Variants in ERN2 observed in about 807,000 individuals in gnomAD.
ERN2 encodes the protein endoplasmic reticulum to nucleus signaling 2.
Under a neutral mutation model 107.9 loss-of-function variants are expected in ERN2, and 111 were observed. The ratio of observed to expected loss-of-function variants is 1.03; its 90% CI spans 0.88 to 1.20. ERN2 has a LOEUF of 1.20. Ranked by LOEUF, ERN2 falls within the 50% of genes most tolerant of loss-of-function variation. The pLI, the probability that ERN2 is intolerant of heterozygous loss-of-function variation, is 0.00. For missense variants in ERN2, 1,225 were observed against 1,197.9 expected (o/e 1.02, Z -0.33); for synonymous variants, 524 against 501.7 (o/e 1.04, Z -0.59).
chr16:23,702,186 G>A lies in ERN2; in HGVS notation c.1169C>T (p.Pro390Leu). 6.2e-7 allele frequency: 1 copy of A among 1,614,098 alleles called. No homozygotes were observed. Among genetic ancestry groups the A allele is most frequent in the Non-Finnish European group, 8.5e-7 (1 of 1,180,016 alleles). The change falls in exon 11 of 22, where the codon CCA (proline) becomes CTA (leucine). Residue 390 changes from proline (P) to leucine (L), a missense_variant. By Grantham distance (98) the Pro-to-Leu change is moderately conservative. Transcript: ENST00000256797. ...GAAGGCTGGGGCCTGGGTATTCTCT[G>A]GAGGTCTTGTCTCTGCAGTTCCACT... ...LGSGTAETRPPENTQAPAFFL... is the reference protein window; with the variant it reads ...LGSGTAETRPLENTQAPAFFL...
chr16:23,691,118 C>G lies in ERN2; in HGVS notation c.2568+11G>C, dbSNP rs756393175. 6.2e-7 allele frequency: 1 copy of G among 1,613,944 alleles called. No individual in the cohort carries two copies. The highest frequency in any genetic ancestry group is 2.2e-5 in the East Asian group (1 of 44,884). The stretch of plus-strand genomic sequence containing the variant: ...CCCAAGACCCAGGCCCACCCAGGCC[C>G]CAACACATACCTTGTTCCTCACAGC... On this transcript the variant is annotated intron_variant, in intron 21 of 21. Coordinates refer to ENST00000256797, the MANE Select transcript of ERN2 (RefSeq NM_033266.4).
At chr16:23,694,666 A>G in intron 17 of ERN2, 62 bp downstream of exon 17, 1 of 1,403,582 alleles carries the variant, frequency 7.1e-7, no homozygotes, top group Middle Eastern at 2.5e-4. Flanking sequence ...GAACTGGGAC[A>G]GGGACGGATT....
intron 7 of ERN2, chr16:23,706,121 G>T: frequency 2.0e-6 from 1 of 507,580 alleles, no homozygotes; most frequent in East Asian, 3.5e-5. Flanking sequence ...TTAGGAGGTT[G>T]AGGGATTGGC....
chr16:23,705,291 T>C (rs1490541312), intron 7 of ERN2, 144 bp from the exon 8 acceptor site: 8 of 948,574 alleles, frequency 8.4e-6, no homozygotes, highest in Admixed American at 2.7e-5. Flanking sequence ...TTGGAGTTCA[T>C]GGAGTCACTT....
chr16:23,711,936 C>G (rs565116782), intron 1 of ERN2: 1 of 310,944 alleles, frequency 3.2e-6, no homozygotes, highest in South Asian at 2.2e-5. Context: ...CTGGGGGGTG[C>G]CCTTGGGAGG....
rs752156286 is a variant in ERN2 at position 23,704,899 on chromosome 16, A to C, written c.838T>G (p.Leu280Val). 39 of 1,610,844 alleles carry C rather than the reference A, an allele frequency of 2.4e-5. No homozygotes were observed. Among genetic ancestry groups the C allele is most frequent in the Non-Finnish European group, 3.4e-6 (4 of 1,179,990 alleles). The change falls in exon 8 of 22, where the codon TTG becomes GTG. Residue 280 changes from leucine to valine, a missense_variant. Coordinates refer to ENST00000256797, the MANE Select transcript of ERN2 (RefSeq NM_033266.4). ...PRDTATLFSTLDTQLLMTLYV... is the reference protein window; with the variant it reads ...PRDTATLFSTVDTQLLMTLYV... ...AACACCTACAGCAGCTGGGTGTCCA[A>C]GGTAGAGAAGAGGGTGGCTGTGTCC...
At chr16:23,710,683 A>C in intron 2 of ERN2, 134 bp from the exon 3 acceptor site, 1 of 1,075,436 alleles carries the variant, frequency 9.3e-7, no homozygotes, top group Non-Finnish European at 1.4e-6. Flanking sequence ...CTTCCCAAAA[A>C]CTCTGTCAGA....
rs1395113221 is a variant in ERN2, at chr16:23,690,779, C to T, written c.*52G>A. The T allele has an allele frequency of 4.0e-6, 6 of 1,505,376 alleles. No homozygotes were observed. In the African/African-American group the frequency reaches 5.5e-5, roughly 14 times the overall value. The allele number at this position is 1,505,376 out of a possible 1,614,324, so 93.3% of individuals were successfully genotyped here. A position where few individuals can be genotyped will look rare whatever the true frequency, so the allele number is the denominator to read the frequency against. On this transcript the variant is annotated 3_prime_UTR_variant, in exon 22 of 22. Transcript: ENST00000256797. ...CTGATTCTGAGGCCAGCCACAGGCT[C>T]AGCTCTTCAGTGAGCCAGCACGGAG...
rs1354797494 is a variant in ERN2 at position 23,690,319 on chromosome 16, G to T, written c.*512C>A. ...GTACAGAATATTTCTATTGAATTCG[G>T]AACTGTCCTTTCCTTGGCTTTATGC... On this transcript the variant is annotated 3_prime_UTR_variant, in exon 22 of 22. Transcript: ENST00000256797. 7 of 575,154 alleles carry T rather than the reference G, an allele frequency of 1.2e-5. No individual in the cohort carries two copies. The highest frequency in any genetic ancestry group is 8.6e-5 in the East Asian group (3 of 34,750). The allele number at this position is 575,154 out of a possible 1,614,324, so 35.6% of individuals were successfully genotyped here. A position where few individuals can be genotyped will look rare whatever the true frequency, so the allele number is the denominator to read the frequency against.
At chr16:23,698,704 G>T (rs996842716) in intron 13 of ERN2, among the ~76,000 whole-genome samples, 1 of 152,054 alleles carries the variant, frequency 6.6e-6, no homozygotes, top group African/African-American at 2.4e-5. Flanking sequence ...TTGTACCTCA[G>T]CCACCCCCCA....
intron 12 of ERN2, 94 bp downstream of exon 12, chr16:23,700,865 A>T: frequency 2.0e-6 from 3 of 1,493,464 alleles, no homozygotes; most frequent in Non-Finnish European, 2.7e-6. Context: ...GGGCAAAATC[A>T]GAGCTGGGTA....
In ERN2 at chr16:23,694,779, C is replaced by T. The variant is rs1012745130; in HGVS notation, c.2049G>A (p.Thr683=). 1.9e-6 allele frequency: 3 copies of T among 1,612,708 alleles called. No individual in the cohort carries two copies. Among genetic ancestry groups the T allele is most frequent in the Non-Finnish European group, 2.5e-6 (3 of 1,179,622 alleles). Reference sequence around the variant, plus strand: ...GAAGCTCGGGCGCCATCCAGCCTTCCGTGCCGGGGATGCCGGAGTGGAGGC... The same window carrying T: ...GAAGCTCGGGCGCCATCCAGCCTTCTGTGCCGGGGATGCCGGAGTGGAGGC... ...SFSLHSGIPG[T]EGWMAPELLQ... The change falls in exon 17 of 22, where the codon ACG becomes ACA. Residue 683 remains threonine, a synonymous_variant. Transcript: ENST00000256797.
intron 8 of ERN2, among the ~76,000 whole-genome samples, chr16:23,703,430 CT>C (rs565886953): frequency 2.7e-4 from 41 of 152,300 alleles, no homozygotes; most frequent in African/African-American, 9.4e-4. Context: ...GTTCTTCCTT[CT>C]AATATATCTT....
chr16:23,699,587 C>T (rs970772872), intron 13 of ERN2, among the ~76,000 whole-genome samples: 3 of 152,132 alleles, frequency 2.0e-5, no homozygotes, highest in East Asian at 1.9e-4. Flanking sequence ...CCACGCCCGG[C>T]GAATTGTTTG....
chr16:23,697,663 G>A (rs1959884936), intron 13 of ERN2, among the ~76,000 whole-genome samples: 1 of 152,084 alleles, frequency 6.6e-6, no homozygotes, highest in African/African-American at 2.4e-5. Flanking sequence ...ATGAGCTGGG[G>A]AGGCTCAGTC....
chr16:23,690,646 G>A lies in ERN2; in HGVS notation c.*185C>T. On this transcript the variant is annotated 3_prime_UTR_variant, in exon 22 of 22. Transcript: ENST00000256797. ...ATTTTACAAATTTTTTGTAGAAATG[G>A]GGTGTTGCCATGTTGGCCAGGCTGG... 3 of 604,442 alleles carry A rather than the reference G, an allele frequency of 5.0e-6. No homozygotes were observed. Among genetic ancestry groups the A allele is most frequent in the Non-Finnish European group, 8.8e-6 (3 of 341,262 alleles). 37.4% of individuals were successfully genotyped at this position (604,442 alleles called of 1,614,324 possible).
intron 11 of ERN2, 25 bp downstream of exon 11, chr16:23,702,127 C>G (rs375221580): frequency 6.2e-7 from 1 of 1,603,228 alleles, no homozygotes; most frequent in African/African-American, 1.3e-5. Context: ...TCCCTACCCC[C>G]ACTCTCTCCC....
At chr16:23,694,994 C>G (rs763532807) in intron 16 of ERN2, 25 bp downstream of exon 16, 3 of 1,612,394 alleles carry the variant, frequency 1.9e-6, no homozygotes, top group South Asian at 2.2e-5. Flanking sequence ...GGACAGGGAG[C>G]GGGAGGCAGG....
chr16:23,712,030 G>A (rs1340776550), intron 1 of ERN2: 1 of 454,326 alleles, frequency 2.2e-6, no homozygotes, highest in South Asian at 1.6e-5. Flanking sequence ...ACAGGGTGAG[G>A]CTGAGCTCCC....
Sources: gnomAD v4.1 joint callset for allele counts (sites outside exome capture counted in the v4.1 genomes callset) on GRCh38, gnomAD v4.1.1 for gene constraint, MANE v1.5 for transcripts, NCBI Gene and HGNC (gene_info 2026-07-23, HGNC 2026-07-21) for gene names.